Variants in CSMD1 observed in about 807,000 individuals in gnomAD.
The protein encoded by CSMD1 is CUB and sushi domain-containing protein 1.
A neutral mutation model predicts 417.5 loss-of-function variants in CSMD1; 213 were observed. That is an observed-to-expected ratio of 0.51 (90% CI 0.46 to 0.57). The LOEUF is 0.57. Ranked by LOEUF, CSMD1 falls within the 20% of genes least tolerant of loss-of-function variation. The probability of loss-of-function intolerance (pLI) is 0.00; values close to 1 mark genes in which losing one functional copy is unlikely to be tolerated. For missense variants in CSMD1, 6,923 were observed against 4,529.7 expected, an observed-to-expected ratio of 1.53 and a Z score of -15.17; for synonymous variants, 2,862 against 1,736.8, an observed-to-expected ratio of 1.65 and a Z score of -16.11.
intron 5 of CSMD1, among the ~76,000 whole-genome samples, chr8:3,831,409 C>A (rs2129087831): frequency 1.3e-5 from 2 of 152,162 alleles, no homozygotes; most frequent in Middle Eastern, 6.8e-3. Context: ...ACTGCCCTCA[C>A]AATGACCAAA....
chr8:4,179,367 C>G (rs1453892482), intron 3 of CSMD1, among the ~76,000 whole-genome samples: 1 of 152,142 alleles, frequency 6.6e-6, no homozygotes, highest in Non-Finnish European at 1.5e-5. Flanking sequence ...GGAAAACTGG[C>G]TAGCCATATG....
At chr8:3,434,373 T>C (rs1814415507) in intron 12 of CSMD1, among the ~76,000 whole-genome samples, 1 of 152,306 alleles carries the variant, frequency 6.6e-6, no homozygotes, top group Non-Finnish European at 1.5e-5. Context: ...TTTATGACTT[T>C]TCCATTTAAT....
intron 17 of CSMD1, among the ~76,000 whole-genome samples, chr8:3,389,428 A>C (rs994194252): frequency 6.6e-6 from 1 of 152,154 alleles, no homozygotes; most frequent in Admixed American, 6.5e-5. Flanking sequence ...CCTAGCATCA[A>C]GATCAAAATC....
intron 9 of CSMD1, among the ~76,000 whole-genome samples, chr8:3,581,184 T>TA (rs1358167960): frequency 1.3e-5 from 2 of 152,150 alleles, no homozygotes; most frequent in Admixed American, 1.3e-4. Context: ...ACATTTTACT[T>TA]AAAAAAATAG....
chr8:3,665,155 C>T (rs898313849), intron 7 of CSMD1, among the ~76,000 whole-genome samples: 3 of 152,012 alleles, frequency 2.0e-5, no homozygotes, highest in African/African-American at 7.3e-5. Flanking sequence ...GAGCATTGAC[C>T]AATGAGATAA....
chr8:2,956,752 A>C (rs1177438267), intron 63 of CSMD1, among the ~76,000 whole-genome samples: 1 of 152,172 alleles, frequency 6.6e-6, no homozygotes, highest in Non-Finnish European at 1.5e-5. Flanking sequence ...CAGCATGCCC[A>C]GCCAAGTTTA....
intron 16 of CSMD1, among the ~76,000 whole-genome samples, chr8:3,397,877 G>A (rs1040716513): frequency 2.0e-5 from 3 of 152,124 alleles, no homozygotes; most frequent in Non-Finnish European, 4.4e-5. Context: ...GAATTTGTGC[G>A]CACAATCCCA....
chr8:4,165,932 A>G (rs1029508089), intron 3 of CSMD1, among the ~76,000 whole-genome samples: 6 of 152,232 alleles, frequency 3.9e-5, no homozygotes, highest in Non-Finnish European at 7.3e-5. Flanking sequence ...TGGATAAACT[A>G]TCATTACTCT....
intron 1 of CSMD1, among the ~76,000 whole-genome samples, chr8:4,809,973 A>C (rs1695612972): frequency 6.6e-6 from 1 of 152,206 alleles, no homozygotes; most frequent in Admixed American, 6.5e-5. Context: ...CAAACGGGGT[A>C]ATTACAGTAT....
At chr8:3,598,552 ACG>A (rs1801203032) in intron 8 of CSMD1, among the ~76,000 whole-genome samples, 2 of 151,876 alleles carry the variant, frequency 1.3e-5, no homozygotes, top group Admixed American at 1.3e-4. Flanking sequence ...GCCTTCCTCT[ACG>A]CTCTGTCTAC....
At chr8:3,695,770 A>C (rs1024919064) in intron 7 of CSMD1, among the ~76,000 whole-genome samples, 2 of 152,232 alleles carry the variant, frequency 1.3e-5, no homozygotes, top group Non-Finnish European at 2.9e-5. Context: ...TATTCAATAC[A>C]TGATGAACTG....
chr8:3,650,216 T>G (rs62474661), intron 7 of CSMD1, among the ~76,000 whole-genome samples: 3,678 of 151,954 alleles, frequency 0.024, 74 homozygotes, highest in Middle Eastern at 0.041. Flanking sequence ...AAGGCAGATT[T>G]GCAATGACCT....
chr8:4,708,254 G>T (rs559466108), intron 1 of CSMD1, among the ~76,000 whole-genome samples: 1 of 152,236 alleles, frequency 6.6e-6, no homozygotes, highest in African/African-American at 2.4e-5. Flanking sequence ...CTGGCCTTCA[G>T]TGTGACTCTT....
At chr8:4,264,073 A>G (rs762231262) in intron 3 of CSMD1, among the ~76,000 whole-genome samples, 6 of 152,192 alleles carry the variant, frequency 3.9e-5, no homozygotes, top group Admixed American at 6.5e-5. Flanking sequence ...CTCATCTATA[A>G]AATGAGGATG....
intron 3 of CSMD1, among the ~76,000 whole-genome samples, chr8:4,342,205 CTGTGTGTGTGTGTGTGTGTG>C (rs58235838): frequency 6.6e-6 from 1 of 150,576 alleles, no homozygotes; most frequent in African/African-American, 2.4e-5. Flanking sequence ...AGTGCTGTGT[CTGTGTGTGTGTGTGTGTGTG>C]TGTGTGTCTG....
intron 5 of CSMD1, among the ~76,000 whole-genome samples, chr8:3,909,937 G>A (rs886536135): frequency 2.6e-5 from 4 of 152,020 alleles, no homozygotes; most frequent in Admixed American, 6.6e-5. Context: ...AGACAAGGAA[G>A]AAAAAATGGC....
intron 57 of CSMD1, among the ~76,000 whole-genome samples, chr8:2,972,120 T>G (rs990139754): frequency 6.6e-6 from 1 of 152,068 alleles, no homozygotes; most frequent in Non-Finnish European, 1.5e-5. Flanking sequence ...TATGTGAAAT[T>G]AATGTTACAT....
intron 1 of CSMD1, among the ~76,000 whole-genome samples, chr8:4,969,677 T>C (rs1471003418): frequency 6.6e-6 from 1 of 152,088 alleles, no homozygotes; most frequent in Non-Finnish European, 1.5e-5. Context: ...GGTGTGTCAA[T>C]ATTTTGGGGA....
intron 25 of CSMD1, among the ~76,000 whole-genome samples, chr8:3,288,967 C>T (rs1803352794): frequency 1.4e-5 from 2 of 145,974 alleles, no homozygotes; most frequent in African/African-American, 2.8e-5. Flanking sequence ...CTAATGCTAT[C>T]CCTCCCCACT....
Sources: gnomAD v4.1 joint callset for allele counts (sites outside exome capture counted in the v4.1 genomes callset) on GRCh38, gnomAD v4.1.1 for gene constraint, MANE v1.5 for transcripts, NCBI Gene and HGNC (gene_info 2026-07-23, HGNC 2026-07-21) for gene names.